Variants in STK39 observed in about 807,000 individuals in gnomAD.
STK39 encodes the protein STE20/SPS1-related proline-alanine-rich protein kinase.
Under a neutral mutation model 77.8 loss-of-function variants are expected in STK39, and 20 were observed. That is an observed-to-expected ratio of 0.26 (90% CI 0.18 to 0.37). The LOEUF is 0.37. Among genes scored for constraint, STK39 ranks in the 10% least tolerant of loss-of-function variants. STK39 has a pLI of 1.00. For missense variants in STK39, 479 were observed against 656.5 expected, an observed-to-expected ratio of 0.73 and a Z score of 2.95; for synonymous variants, 246 against 234.1, an observed-to-expected ratio of 1.05 and a Z score of -0.47.
intron 1 of STK39, among the ~76,000 whole-genome samples, chr2:168,208,382 CAG>C (rs1316229138): frequency 6.6e-6 from 1 of 152,162 alleles, no homozygotes; most frequent in African/African-American, 2.4e-5. Flanking sequence ...ACAGAACCAA[CAG>C]AAACTTTCTG....
intron 5 of STK39, among the ~76,000 whole-genome samples, chr2:168,152,171 T>A (rs1040706239): frequency 6.6e-6 from 1 of 152,196 alleles, no homozygotes; most frequent in African/African-American, 2.4e-5. Flanking sequence ...TTCTATTAAA[T>A]AAGATAATTA....
At chr2:168,012,578 C>T in intron 16 of STK39, 56 bp downstream of exon 16, 4 of 1,459,346 alleles carry the variant, frequency 2.7e-6, no homozygotes, top group South Asian at 2.4e-5. Flanking sequence ...TGCTTCCAAA[C>T]ACATTTCCAT....
chr2:168,139,425 A>ATATATATATATATATATAT (rs1559115956), intron 7 of STK39, among the ~76,000 whole-genome samples: 6 of 131,848 alleles, frequency 4.6e-5, no homozygotes, highest in African/African-American at 2.0e-4. Context: ...TATATATATA[A>ATATATATATATATATATAT]AAACAATAAA....
At chr2:168,166,740 CA>C (rs540102733) in intron 3 of STK39, among the ~76,000 whole-genome samples, 151 of 152,264 alleles carry the variant, frequency 9.9e-4, no homozygotes, top group Non-Finnish European at 1.5e-3. Flanking sequence ...GCTTAAGAGT[CA>C]CATGGGATTA....
intron 12 of STK39, among the ~76,000 whole-genome samples, chr2:168,065,874 A>C (rs1045692295): frequency 6.6e-6 from 1 of 152,214 alleles, no homozygotes; most frequent in African/African-American, 2.4e-5. Flanking sequence ...GGATAGTTGC[A>C]TTTTTAAAAG....
intron 17 of STK39, among the ~76,000 whole-genome samples, chr2:167,961,132 A>T (rs1691945386): frequency 6.6e-6 from 1 of 152,202 alleles, no homozygotes; most frequent in African/African-American, 2.4e-5. Flanking sequence ...CTACCCCTTC[A>T]GTAGGAGGAG....
At chr2:167,976,237 A>T (rs115273767) in intron 16 of STK39, among the ~76,000 whole-genome samples, 5,764 of 152,308 alleles carry the variant, frequency 0.038, 393 homozygotes, top group African/African-American at 0.13. Flanking sequence ...TCACTTAGAA[A>T]TAGAATTCTG....
At chr2:168,108,571 TA>T (rs1295789332) in intron 10 of STK39, among the ~76,000 whole-genome samples, 50 of 144,754 alleles carry the variant, frequency 3.5e-4, no homozygotes, top group African/African-American at 9.0e-4. Flanking sequence ...GAAAAGAAAA[TA>T]AAAAAAAAAA....
chr2:168,046,431 G>C (rs1266289988), intron 14 of STK39, among the ~76,000 whole-genome samples: 1 of 152,174 alleles, frequency 6.6e-6, no homozygotes, highest in Non-Finnish European at 1.5e-5. Flanking sequence ...GCAGAGTGCA[G>C]AGAAGGAGCA....
chr2:168,032,942 G>A (rs1684864599), intron 14 of STK39, among the ~76,000 whole-genome samples: 1 of 152,198 alleles, frequency 6.6e-6, no homozygotes, highest in Admixed American at 6.5e-5. Context: ...ATGTTCATTT[G>A]AAAAATAAAA....
At chr2:168,097,582 A>G (rs1030933844) in intron 10 of STK39, among the ~76,000 whole-genome samples, 3 of 152,150 alleles carry the variant, frequency 2.0e-5, no homozygotes, top group African/African-American at 7.2e-5. Context: ...TCCCACACAC[A>G]TAATTAGCCG....
In STK39 at chr2:167,985,828, A is replaced by C. The variant is rs1683543286; in HGVS notation, c.1499-21102T>G. Among the ~76,000 whole-genome samples the C allele has an allele frequency of 2.0e-5, 3 of 152,230 alleles. No individual in the cohort carries two copies. The South Asian group carries it at 6.2e-4, about 32-fold the overall frequency. On this transcript the variant is annotated intron_variant, in intron 16 of 17. Coordinates refer to ENST00000355999, the MANE Select transcript of STK39 (RefSeq NM_013233.3). ...CGTAAGAAGGCATTTTAAGGAAATA[A>C]ATATCCTAAAAGTTCAATAGCTTTA...
chr2:168,036,476 T>C (rs893464702), intron 14 of STK39, among the ~76,000 whole-genome samples: 5 of 152,214 alleles, frequency 3.3e-5, no homozygotes, highest in African/African-American at 1.2e-4. Flanking sequence ...GAGAAAAGGA[T>C]AGCAGTTCAA....
chr2:168,129,642 A>G, intron 9 of STK39, 36 bp from the exon 10 acceptor site: 1 of 1,614,030 alleles, frequency 6.2e-7, no homozygotes, highest in Non-Finnish European at 8.5e-7. Flanking sequence ...TTAACATCAA[A>G]TATGATACAC....
chr2:168,190,083 C>A (rs1413081124), intron 1 of STK39, among the ~76,000 whole-genome samples: 1 of 152,176 alleles, frequency 6.6e-6, no homozygotes, highest in Admixed American at 6.5e-5. Flanking sequence ...CTACTTCATC[C>A]TAGAACTTCT....
intron 13 of STK39, among the ~76,000 whole-genome samples, chr2:168,065,063 T>A (rs1301936552): frequency 6.6e-6 from 1 of 152,174 alleles, no homozygotes; most frequent in Non-Finnish European, 1.5e-5. Context: ...TGGTGTCATT[T>A]TCTTTCCTTT....
At chr2:168,014,199 C>T (rs1684347900) in intron 15 of STK39, among the ~76,000 whole-genome samples, 1 of 152,144 alleles carries the variant, frequency 6.6e-6, no homozygotes. Flanking sequence ...ACAAAAAACA[C>T]CTTGGCCCAG....
At chr2:168,191,470 T>A (rs1021331916) in intron 1 of STK39, among the ~76,000 whole-genome samples, 2 of 152,152 alleles carry the variant, frequency 1.3e-5, no homozygotes, top group African/African-American at 4.8e-5. Context: ...GGGAAGGCCC[T>A]GGATTTGGGC....
At chr2:168,149,465 T>C (rs1333016392) in intron 5 of STK39, among the ~76,000 whole-genome samples, 1 of 152,218 alleles carries the variant, frequency 6.6e-6, no homozygotes. Context: ...GCACCAACTA[T>C]GAAACCAAAT....
Sources: allele counts gnomAD v4.1 joint callset (sites outside exome capture counted in the v4.1 genomes callset), GRCh38; gene constraint gnomAD v4.1.1; transcripts MANE v1.5; gene names NCBI Gene and HGNC (gene_info 2026-07-23, HGNC 2026-07-21).